The following GARNL3 variants were observed in gnomAD, a reference collection of about 807,000 sequenced individuals.
GARNL3 encodes the protein GTPase-activating Rap/Ran-GAP domain-like protein 3.
In GARNL3, 63 loss-of-function variants were observed where a neutral mutation model predicts 125.0. The ratio of observed to expected loss-of-function variants is 0.50; its 90% CI spans 0.41 to 0.62. The LOEUF is 0.62. Ranked by LOEUF, GARNL3 falls within the 20% of genes least tolerant of loss-of-function variation. The pLI, the probability that GARNL3 is intolerant of heterozygous loss-of-function variation, is 0.00. For missense variants in GARNL3, 994 were observed against 1,244.0 expected (o/e 0.80, Z 3.02); for synonymous variants, 439 against 457.5 (o/e 0.96, Z 0.52).
chr9:127,269,155 C>T (rs952571561), intron 1 of GARNL3, among the ~76,000 whole-genome samples: 2 of 152,096 alleles, frequency 1.3e-5, no homozygotes, highest in Non-Finnish European at 2.9e-5. Context: ...CATGCCACCA[C>T]ACCGGGCTAA....
intron 1 of GARNL3, among the ~76,000 whole-genome samples, chr9:127,265,560 G>A (rs1490078818): frequency 2.0e-5 from 3 of 152,040 alleles, no homozygotes; most frequent in Non-Finnish European, 4.4e-5. Flanking sequence ...AATGAGAGGT[G>A]TTAGTGTTTG....
chr9:127,365,843 AT>A (rs1350591415), intron 22 of GARNL3, among the ~76,000 whole-genome samples: 27 of 152,128 alleles, frequency 1.8e-4, no homozygotes, highest in Admixed American at 1.8e-3. Flanking sequence ...AGCACCCACA[AT>A]TTTAACCACT....
chr9:127,334,753 A>G (rs1217185619), intron 9 of GARNL3, among the ~76,000 whole-genome samples: 2 of 152,236 alleles, frequency 1.3e-5, no homozygotes, highest in Non-Finnish European at 2.9e-5. Context: ...ACTGAGGCTC[A>G]GAGAGAAGTG....
At position 127,345,469 on chromosome 9, in the gene GARNL3, A is replaced by C; in HGVS notation, c.1423A>C (p.Lys475Gln). The change falls in exon 16 of 28, where the codon AAA becomes CAA. Residue 475 changes from lysine (K) to glutamine (Q), a missense_variant. Coordinates refer to ENST00000373387, the MANE Select transcript of GARNL3 (RefSeq NM_032293.5). ...AAGCTTGGCAGCTTCAGGGATCTGT[A>C]AAAAAGAGGTGAGTTCATGATACTT... ...PSSLAASGIC[K>Q]KEPWEPQCFC... 1 of 1,597,458 alleles carries C rather than the reference A, an allele frequency of 6.3e-7. No homozygotes were observed. The highest frequency in any genetic ancestry group is 1.1e-5 in the South Asian group (1 of 88,680).
At chr9:127,314,002 A>G (rs1588835032) in intron 4 of GARNL3, among the ~76,000 whole-genome samples, 1 of 152,216 alleles carries the variant, frequency 6.6e-6, no homozygotes, top group East Asian at 1.9e-4. Flanking sequence ...TCCGTTGTGG[A>G]GTGACTGATC....
intron 26 of GARNL3, among the ~76,000 whole-genome samples, chr9:127,389,498 T>C (rs533709569): frequency 6.6e-6 from 1 of 152,380 alleles, no homozygotes; most frequent in African/African-American, 2.4e-5. Context: ...TATGTTGGTA[T>C]GTCCCAAAGT....
At chr9:127,262,299 G>A (rs1451623440), upstream of GARNL3, among the ~76,000 whole-genome samples, 4 of 152,122 alleles carry the variant, frequency 2.6e-5, no homozygotes, top group Admixed American at 1.3e-4. Flanking sequence ...TGTTTTTTGT[G>A]GTGTAGCCTT....
rs1037657405 is a variant in GARNL3 at position 127,225,305 on chromosome 9, C to G, written c.-29+967C>G. On this transcript the variant is annotated intron_variant, in intron 1 of 10. Transcript: ENST00000439286. Reference sequence around the variant, plus strand: ...TGCGCCCGAGCCCGCGGCCCCCGCCCGGGGCGATGGAACCGGAGCCCGGCG... The same window carrying G: ...TGCGCCCGAGCCCGCGGCCCCCGCCGGGGGCGATGGAACCGGAGCCCGGCG... 3 of 981,440 alleles carry G rather than the reference C, an allele frequency of 3.1e-6. No homozygotes were observed. The African/African-American group carries it at 5.3e-5, about 17-fold the overall frequency. 60.8% of individuals were successfully genotyped at this position (981,440 alleles called of 1,614,324 possible).
intron 2 of GARNL3, among the ~76,000 whole-genome samples, chr9:127,302,692 G>C (rs1337090455): frequency 1.3e-5 from 2 of 152,188 alleles, no homozygotes; most frequent in Non-Finnish European, 2.9e-5. Context: ...TGGGAGCTCA[G>C]GAAAGAAGCT....
At chr9:127,339,572 G>T in intron 12 of GARNL3, 73 bp from the exon 13 acceptor site, 1 of 1,038,346 alleles carries the variant, frequency 9.6e-7, no homozygotes, top group Non-Finnish European at 1.5e-6. Context: ...TACAATTCAA[G>T]TGGCGATTTG....
intron 2 of GARNL3, among the ~76,000 whole-genome samples, chr9:127,245,897 C>G (rs1359661080): frequency 6.6e-6 from 1 of 151,952 alleles, no homozygotes; most frequent in East Asian, 1.9e-4. Flanking sequence ...TCAGCGCACT[C>G]AGGAGTGCAA....
chr9:127,373,199 C>T (rs952269965), intron 22 of GARNL3, among the ~76,000 whole-genome samples: 1 of 152,174 alleles, frequency 6.6e-6, no homozygotes, highest in Non-Finnish European at 1.5e-5. Context: ...TGAGTAAGAT[C>T]GAACCACCAG....
intron 14 of GARNL3, among the ~76,000 whole-genome samples, chr9:127,343,250 C>A (rs1829965632): frequency 6.6e-6 from 1 of 152,046 alleles, no homozygotes. Context: ...TCGGTGTACC[C>A]CAACCACTCG....
Position 127,385,414 on chromosome 9 carries a change from T to G in GARNL3, c.2388+269T>G, listed in dbSNP as rs1238365353. Among the ~76,000 whole-genome samples the G allele has an allele frequency of 6.6e-6, 1 of 152,052 alleles. No homozygotes were observed. Among genetic ancestry groups the G allele is most frequent in the African/African-American group, 2.4e-5 (1 of 41,396 alleles). ...GGGAGCACTTAGCTGAAAAGAGATA[T>G]CCCCGCTCAGAGACTGGGTCAGTTA... On this transcript the variant is annotated intron_variant, in intron 24 of 27. Coordinates refer to ENST00000373387, the MANE Select transcript of GARNL3 (RefSeq NM_032293.5). This position sits in a 1 kb window ranked among gnomAD's most constrained non-coding sequence, Gnocchi z 4.1.
rs201763226 is a variant in GARNL3 at position 127,383,499 on chromosome 9, T to A, written c.2223T>A (p.Ser741=). The change falls in exon 23 of 28, where the codon TCT becomes TCA. Residue 741 remains serine (S), a synonymous_variant. Transcript: ENST00000373387. ...GTGGCTCTTTTTTGGTTCAACCTTC[T>A]GCGTCAGATTTCCAGTTCTGTTGGA... ...FNGGSFLVQP[S]ASDFQFCWNQ... is the part of the protein sequence containing the mutation. 928 of 1,613,828 alleles carry A rather than the reference T, an allele frequency of 5.8e-4. 17 individuals carry two copies. The South Asian group carries it at 9.6e-3, about 17-fold the overall frequency.
chr9:127,339,147 A>G (rs1264016834), intron 12 of GARNL3, among the ~76,000 whole-genome samples: 1 of 151,850 alleles, frequency 6.6e-6, no homozygotes, highest in African/African-American at 2.4e-5. Context: ...AATACAAAAA[A>G]TTAGCCGGGC....
intron 1 of GARNL3, among the ~76,000 whole-genome samples, chr9:127,226,544 C>T (rs888883632): frequency 6.6e-6 from 1 of 152,182 alleles, no homozygotes; most frequent in Non-Finnish European, 1.5e-5. Flanking sequence ...GCTGGTGCTT[C>T]CTCCCTTGTG....
At chr9:127,354,539 C>T in intron 19 of GARNL3, 129 bp downstream of exon 19, 2 of 581,774 alleles carry the variant, frequency 3.4e-6, no homozygotes, top group Non-Finnish European at 6.1e-6. Flanking sequence ...GGAAACATCA[C>T]AAAAATAGCA....
At chr9:127,302,143 C>T (rs1478944275) in intron 2 of GARNL3, among the ~76,000 whole-genome samples, 1 of 151,584 alleles carries the variant, frequency 6.6e-6, no homozygotes, top group African/African-American at 2.4e-5. Flanking sequence ...AGGGTTTCCC[C>T]GTGTCAGCCA....
Sources: gnomAD v4.1 joint callset for allele counts (sites outside exome capture counted in the v4.1 genomes callset) on GRCh38, gnomAD v4.1.1 for gene constraint, Gnocchi (gnomAD v3.1) non-coding constraint, MANE v1.5 for transcripts, NCBI Gene and HGNC (gene_info 2026-07-23, HGNC 2026-07-21) for gene names.